The following UST variants were observed in gnomAD, a reference collection of about 807,000 sequenced individuals.
UST encodes the protein uronyl 2-sulfotransferase.
Under a neutral mutation model 45.6 loss-of-function variants are expected in UST, and 21 were observed. That is an observed-to-expected ratio of 0.46 (90% CI 0.33 to 0.66). The LOEUF is 0.66. Among genes scored for constraint, UST ranks in the 30% least tolerant of loss-of-function variants. The pLI is 0.02. For missense variants in UST, 463 were observed against 512.4 expected (o/e 0.90, Z 0.93); for synonymous variants, 215 against 200.6 (o/e 1.07, Z -0.61).
At chr6:148,994,256 G>A (rs1167553098) in intron 5 of UST, among the ~76,000 whole-genome samples, 1 of 152,086 alleles carries the variant, frequency 6.6e-6, no homozygotes, top group East Asian at 1.9e-4. Flanking sequence ...ACAGGTGTGA[G>A]CCACTGTGCC....
At chr6:148,879,941 C>CTTTTTCTTTTTTCTTTTTT (rs748312235) in intron 1 of UST, among the ~76,000 whole-genome samples, 1 of 109,914 alleles carries the variant, frequency 9.1e-6, no homozygotes, top group South Asian at 2.5e-4. Context: ...TTTCTTTTTT[C>CTTTTTCTTTTTTCTTTTTT]TTTTTTTTTT....
At chr6:148,859,172 CTTT>C (rs1436342382) in intron 1 of UST, among the ~76,000 whole-genome samples, 1 of 150,684 alleles carries the variant, frequency 6.6e-6, no homozygotes, top group African/African-American at 2.4e-5. Flanking sequence ...TGTTTCCTGA[CTTT>C]TTACCATTCT....
At position 148,773,805 on chromosome 6, in the gene UST, G is replaced by A. The variant is rs141120846; in HGVS notation, c.247+26128G>A. On this transcript the variant is annotated intron_variant, in intron 1 of 7. Coordinates refer to ENST00000367463, the MANE Select transcript of UST (RefSeq NM_005715.3). ...AATAGCATTTTTTTGTACGTGGGGC[G>A]CCATGAACGCAAAGACTTCCAGCGG... Among the ~76,000 whole-genome samples the A allele has an allele frequency of 2.2e-3, 341 of 152,240 alleles. 5 individuals are homozygous for A. In the South Asian group the frequency reaches 0.039, roughly 17 times the overall value.
chr6:148,927,050 CT>C (rs1779826851), intron 2 of UST, among the ~76,000 whole-genome samples: 1 of 152,022 alleles, frequency 6.6e-6, no homozygotes, highest in African/African-American at 2.4e-5. Flanking sequence ...AAAATATTCT[CT>C]GAAGACATTA....
At chr6:149,044,289 T>C (rs1359643017) in intron 7 of UST, among the ~76,000 whole-genome samples, 1 of 152,232 alleles carries the variant, frequency 6.6e-6, no homozygotes, top group East Asian at 1.9e-4. Context: ...TATTAGCATA[T>C]TCTTTTAAAA....
intron 5 of UST, among the ~76,000 whole-genome samples, chr6:149,004,995 C>T (rs576748108): frequency 9.2e-6 from 1 of 108,704 alleles, no homozygotes; most frequent in African/African-American, 3.7e-5. Context: ...ACCACTATAC[C>T]TCCAGCTGAT....
intron 1 of UST, among the ~76,000 whole-genome samples, chr6:148,833,277 C>T (rs1032825927): frequency 5.3e-5 from 8 of 152,152 alleles, no homozygotes; most frequent in African/African-American, 1.2e-4. Flanking sequence ...TGCTCGAGTT[C>T]GGGAGTTGGA....
At chr6:148,840,910 G>A (rs1206913936) in intron 1 of UST, among the ~76,000 whole-genome samples, 1 of 152,116 alleles carries the variant, frequency 6.6e-6, no homozygotes, top group Admixed American at 6.5e-5. Context: ...GGTCACCCTG[G>A]TGGGTGGTGG....
At chr6:148,982,267 T>C (rs987720111) in intron 5 of UST, among the ~76,000 whole-genome samples, 2 of 152,078 alleles carry the variant, frequency 1.3e-5, no homozygotes, top group Non-Finnish European at 2.9e-5. Flanking sequence ...CCTGGCTAAT[T>C]TTTTTATTTT....
At chr6:148,906,467 T>C (rs1051600784) in intron 2 of UST, among the ~76,000 whole-genome samples, 2 of 152,238 alleles carry the variant, frequency 1.3e-5, no homozygotes, top group African/African-American at 4.8e-5. Context: ...GTGCACTTAA[T>C]GGACAAGGTA....
intron 4 of UST, 29 bp from the exon 5 acceptor site, chr6:148,964,381 G>A: frequency 6.2e-7 from 1 of 1,612,828 alleles, no homozygotes; most frequent in Non-Finnish European, 8.5e-7. Flanking sequence ...TGCAGTGATG[G>A]GTTGTAACGA....
chr6:148,798,097 G>T (rs574902604), intron 1 of UST, among the ~76,000 whole-genome samples: 1 of 152,158 alleles, frequency 6.6e-6, no homozygotes, highest in Non-Finnish European at 1.5e-5. Flanking sequence ...GAGGCTGGGG[G>T]CAGATATACA....
chr6:148,869,686 G>A (rs1000537801), intron 1 of UST, among the ~76,000 whole-genome samples: 4 of 152,206 alleles, frequency 2.6e-5, no homozygotes, highest in Non-Finnish European at 5.9e-5. Context: ...GCATTTATGA[G>A]CAACTCTTCA....
chr6:148,809,694 C>G (rs56012757), intron 1 of UST, among the ~76,000 whole-genome samples: 2,615 of 152,320 alleles, frequency 0.017, 33 homozygotes, highest in Non-Finnish European at 0.028. Context: ...CTGCTGGAAG[C>G]TTCTCTGTCT....
intron 5 of UST, among the ~76,000 whole-genome samples, chr6:149,009,288 A>T (rs931991751): frequency 6.6e-6 from 1 of 152,218 alleles, no homozygotes; most frequent in Non-Finnish European, 1.5e-5. Context: ...GTAAGAAAAG[A>T]TGAAAGAGTA....
At chr6:148,991,120 A>G (rs1449999956) in intron 5 of UST, among the ~76,000 whole-genome samples, 1 of 152,202 alleles carries the variant, frequency 6.6e-6, no homozygotes, top group African/African-American at 2.4e-5. Flanking sequence ...TGCGGATGCT[A>G]TTTATGTCAA....
Position 148,748,812 on chromosome 6 carries a change from G to A in UST, c.247+1135G>A, listed in dbSNP as rs986105559. On this transcript the variant is annotated intron_variant, in intron 1 of 7. Coordinates refer to ENST00000367463, the MANE Select transcript of UST (RefSeq NM_005715.3). This position sits in a 1 kb window ranked among gnomAD's most constrained non-coding sequence, Gnocchi z 5.3. ...GCCACCGAAGTGCTGGAAAGAAAAT[G>A]GGCCAAATGACCCGGGCCAGCTGGA... Among the ~76,000 whole-genome samples the A allele has an allele frequency of 6.6e-6, 1 of 152,056 alleles. No individual in the cohort carries two copies. The highest frequency in any genetic ancestry group is 6.5e-5 in the Admixed American group (1 of 15,272).
chr6:148,801,419 G>A (rs1388645602), intron 1 of UST, among the ~76,000 whole-genome samples: 1 of 152,134 alleles, frequency 6.6e-6, no homozygotes, highest in African/African-American at 2.4e-5. Flanking sequence ...AGACTAGATG[G>A]TAGGGTAGAT....
rs190818754 is a variant in UST at position 148,920,463 on chromosome 6, G to A, written c.292-20816G>A. ...TGATGCCCTGAGGATGGAGGGGTAG[G>A]AGCAAAGTTCTTCCCTCCCTTTTTC... On this transcript the variant is annotated intron_variant, in intron 2 of 7. Coordinates refer to ENST00000367463, the MANE Select transcript of UST (RefSeq NM_005715.3). Among the ~76,000 whole-genome samples, 188 of 152,240 alleles carry A rather than the reference G, an allele frequency of 1.2e-3. 1 individual carries two copies. Among genetic ancestry groups the A allele is most frequent in the Non-Finnish European group, 2.1e-3 (144 of 68,000 alleles).
Sources: allele counts gnomAD v4.1 joint callset (sites outside exome capture counted in the v4.1 genomes callset), GRCh38; gene constraint gnomAD v4.1.1; non-coding constraint Gnocchi (gnomAD v3.1); transcripts MANE v1.5; gene names NCBI Gene and HGNC (gene_info 2026-07-23, HGNC 2026-07-21).